Variants in RABEPK observed in about 807,000 individuals in gnomAD.
RABEPK encodes the protein Rab9 effector protein with kelch motifs.
RABEPK carries 27 observed loss-of-function variants against 34.1 expected under a neutral mutation model. The ratio of observed to expected loss-of-function variants is 0.79; its 90% CI spans 0.58 to 1.09. RABEPK has a LOEUF of 1.09. Among genes scored for constraint, RABEPK ranks in the 50% least tolerant of loss-of-function variants. RABEPK has a pLI of 0.00. For synonymous variants in RABEPK, 172 were observed against 169.2 expected (o/e 1.02, Z -0.13); for missense variants, 449 against 462.6 (o/e 0.97, Z 0.27).
chr9:125,234,124 T>A lies in RABEPK; in HGVS notation c.*144T>A. 5 of 868,164 alleles carry A rather than the reference T, an allele frequency of 5.8e-6. No individual in the cohort carries two copies. The highest frequency in any genetic ancestry group is 1.7e-5 in the South Asian group (1 of 59,134). 53.8% of individuals were successfully genotyped at this position (868,164 alleles called of 1,614,324 possible). On this transcript the variant is annotated 3_prime_UTR_variant, in exon 8 of 8. Transcript: ENST00000373538. ...AGGTGAAGAAACTAATGCAAATAAT[T>A]CTTATGTGCACTAAACCTTGCTATA...
intron 3 of RABEPK, among the ~76,000 whole-genome samples, chr9:125,210,204 C>G (rs1369170465): frequency 6.6e-6 from 1 of 151,676 alleles, no homozygotes; most frequent in Non-Finnish European, 1.5e-5. Context: ...GAGATCGAGA[C>G]CATCCTGGCT....
chr9:125,207,758 C>CAG lies in RABEPK; in HGVS notation c.211+41_211+42dup, dbSNP rs761310209. On this transcript the variant is annotated intron_variant, in intron 3 of 7. Transcript: ENST00000373538. ...AGCTGCAGAGTACATGCCCTATGGC[C>CAG]AGAGAACAGGGCTGTGTGCTGCTAG... The CAG allele has an allele frequency of 1.7e-5, 27 of 1,610,410 alleles. 1 individual carries two copies. Among genetic ancestry groups the CAG allele is most frequent in the Non-Finnish European group, 2.3e-5 (27 of 1,177,356 alleles).
chr9:125,216,609 G>A (rs986965098), intron 4 of RABEPK, among the ~76,000 whole-genome samples: 8 of 151,926 alleles, frequency 5.3e-5, no homozygotes, highest in Admixed American at 4.6e-4. Flanking sequence ...GAACATAAGC[G>A]CTTTGAAGGG....
intron 4 of RABEPK, among the ~76,000 whole-genome samples, chr9:125,218,345 AAAAG>A (rs1261000648): frequency 2.4e-4 from 36 of 151,146 alleles, no homozygotes; most frequent in African/African-American, 8.0e-4. Flanking sequence ...AAAAAAAAAA[AAAAG>A]AACTGAGTTC....
intron 4 of RABEPK, among the ~76,000 whole-genome samples, chr9:125,218,456 C>T (rs75815342): frequency 0.033 from 5,002 of 152,084 alleles, 241 homozygotes; most frequent in African/African-American, 0.11. Context: ...GAGATACTTC[C>T]GCTCACTTCC....
intron 1 of RABEPK, among the ~76,000 whole-genome samples, chr9:125,202,361 A>G (rs1286309022): frequency 1.3e-5 from 2 of 151,194 alleles, no homozygotes; most frequent in African/African-American, 4.9e-5. Flanking sequence ...TCTCTACTAG[A>G]AAAGCTAGAA....
intron 5 of RABEPK, among the ~76,000 whole-genome samples, chr9:125,227,645 G>A (rs1048961315): frequency 6.6e-6 from 1 of 151,442 alleles, no homozygotes; most frequent in Non-Finnish European, 1.5e-5. Context: ...TGGCCAGGCT[G>A]GCCTCGAACT....
rs923818859 is a variant in RABEPK, at chr9:125,226,000, T to G, written c.527-1910T>G. On this transcript the variant is annotated intron_variant, in intron 5 of 7. Coordinates refer to ENST00000373538, the MANE Select transcript of RABEPK (RefSeq NM_005833.4). ...GAAAAAGAAAAAGAAAAAAAAAAAA[T>G]TTAGCTGGGCGTGGTGGTGCACACT... Among the ~76,000 whole-genome samples the G allele has an allele frequency of 1.0e-3, 149 of 144,372 alleles. 1 individual carries two copies. The highest frequency in any genetic ancestry group is 3.6e-3 in the African/African-American group (141 of 38,860). 94.7% of individuals were successfully genotyped at this position (144,372 alleles called of 152,430 possible).
intron 5 of RABEPK, among the ~76,000 whole-genome samples, chr9:125,227,671 T>C (rs1310407579): frequency 1.3e-5 from 2 of 151,834 alleles, no homozygotes; most frequent in South Asian, 2.1e-4. Context: ...CCTCAGGTGA[T>C]CCACCTGTCT....
rs1217498917 is a variant in RABEPK at position 125,200,880 on chromosome 9, G to A, written c.-33G>A. The A allele has an allele frequency of 4.2e-6, 2 of 471,114 alleles. No individual in the cohort carries two copies. Among genetic ancestry groups the A allele is most frequent in the East Asian group, 6.9e-5 (1 of 14,396 alleles). The allele number at this position is 471,114 out of a possible 1,614,324, so 29.2% of individuals were successfully genotyped here. A position where few individuals can be genotyped will look rare whatever the true frequency, so the allele number is the denominator to read the frequency against. On this transcript the variant is annotated 5_prime_UTR_variant, in exon 1 of 8. Transcript: ENST00000373538. Reference sequence around the variant, plus strand: ...GCCTAACTGAGCTCTGGACTTTGGGGACAGCTGTCAGTGGCCTAGGCCGCA... The same window carrying A: ...GCCTAACTGAGCTCTGGACTTTGGGAACAGCTGTCAGTGGCCTAGGCCGCA...
intron 4 of RABEPK, 160 bp from the exon 5 acceptor site, chr9:125,220,379 T>C: frequency 2.7e-6 from 4 of 1,465,224 alleles, no homozygotes; most frequent in Non-Finnish European, 3.6e-6. Flanking sequence ...AGTATCATCT[T>C]CATTCTTCCT....
intron 4 of RABEPK, among the ~76,000 whole-genome samples, chr9:125,215,541 G>T (rs1189256535): frequency 6.6e-6 from 1 of 151,646 alleles, no homozygotes; most frequent in Non-Finnish European, 1.5e-5. Context: ...CAAACTCCTG[G>T]GCTCAAGCAA....
At chr9:125,203,994 T>C (rs1165269344) in intron 2 of RABEPK, among the ~76,000 whole-genome samples, 2 of 136,576 alleles carry the variant, frequency 1.5e-5, no homozygotes, top group East Asian at 4.5e-4. Flanking sequence ...ATCATGCCAC[T>C]GTACTCCAGC....
At chr9:125,229,452 GA>G (rs1832026045) in intron 6 of RABEPK, among the ~76,000 whole-genome samples, 1 of 151,992 alleles carries the variant, frequency 6.6e-6, no homozygotes, top group Admixed American at 6.6e-5. Flanking sequence ...AAAAGAAAAA[GA>G]AAATATAGCC....
At chr9:125,207,053 C>T (rs1160652279) in intron 2 of RABEPK, among the ~76,000 whole-genome samples, 1 of 150,888 alleles carries the variant, frequency 6.6e-6, no homozygotes. Context: ...CACGCCATTG[C>T]ACTCCAGCCT....
At chr9:125,231,074 G>A (rs1186413591) in intron 6 of RABEPK, among the ~76,000 whole-genome samples, 2 of 152,012 alleles carry the variant, frequency 1.3e-5, no homozygotes, top group African/African-American at 4.8e-5. Context: ...AGGCCGAGGT[G>A]GACGGATCAC....
chr9:125,207,839 G>A (rs1314843044), intron 3 of RABEPK, 118 bp downstream of exon 3: 1 of 1,258,052 alleles, frequency 7.9e-7, no homozygotes, highest in Non-Finnish European at 1.1e-6. Context: ...AGAAAACATG[G>A]CCAGGACCAG....
chr9:125,212,250 C>T (rs557458841), intron 3 of RABEPK, among the ~76,000 whole-genome samples: 5 of 152,194 alleles, frequency 3.3e-5, no homozygotes, highest in South Asian at 2.1e-4. Flanking sequence ...TTTTTTGAGA[C>T]GGAGTCTTAC....
intron 5 of RABEPK, among the ~76,000 whole-genome samples, chr9:125,227,420 CT>C (rs1017314506): frequency 7.4e-5 from 11 of 147,894 alleles, no homozygotes; most frequent in South Asian, 2.2e-4. Context: ...CTCTGTAGGA[CT>C]TTTTTTTTTC....
Sources: allele counts gnomAD v4.1 joint callset (sites outside exome capture counted in the v4.1 genomes callset), GRCh38; gene constraint gnomAD v4.1.1; transcripts MANE v1.5; gene names NCBI Gene and HGNC (gene_info 2026-07-23, HGNC 2026-07-21).